TP53AIP1: variants seen among roughly 807,000 people sequenced by gnomAD.
TP53AIP1 encodes tumor protein p53 regulated apoptosis inducing protein 1, also known as p53-regulated apoptosis-inducing protein 1.
Under a neutral mutation model 9.5 loss-of-function variants are expected in TP53AIP1, and 14 were observed. The ratio of observed to expected loss-of-function variants is 1.47; its 90% CI spans 0.97 to 2.30. TP53AIP1 has a LOEUF of 2.30. TP53AIP1 is among the 30% of genes most tolerant of loss of function. The pLI is 0.00. For synonymous variants in TP53AIP1, 73 were observed against 61.2 expected (o/e 1.19, Z -0.90); for missense variants, 153 against 146.7 (o/e 1.04, Z -0.22).
intron 2 of TP53AIP1, 38 bp from the exon 3 acceptor site, chr11:128,936,687 C>G (rs373379509): frequency 6.5e-7 from 1 of 1,542,924 alleles, no homozygotes; most frequent in South Asian, 1.2e-5. Context: ...GGCCCTGCAG[C>G]GCCGTCTCTT....
At chr11:128,936,012 A>G (rs997944181) in intron 3 of TP53AIP1, 1 of 849,772 alleles carries the variant, frequency 1.2e-6, no homozygotes, top group African/African-American at 1.8e-5. Context: ...AGCATTTCAT[A>G]TCTATCATTT....
chr11:128,935,863 T>TAA, intron 3 of TP53AIP1, 151 bp from the exon 4 acceptor site: 1 of 1,348,290 alleles, frequency 7.4e-7, no homozygotes, highest in South Asian at 2.3e-5. Context: ...ATCATTATTC[T>TAA]ATCTCCCAAG....
chr11:128,940,844 A>T (rs1037415485), intron 1 of TP53AIP1, among the ~76,000 whole-genome samples: 3 of 152,198 alleles, frequency 2.0e-5, no homozygotes, highest in Non-Finnish European at 2.9e-5. Context: ...AGGGGCGTTC[A>T]TGTCAGGGAG....
At chr11:128,940,702 A>C (rs2136026989) in intron 1 of TP53AIP1, among the ~76,000 whole-genome samples, 1 of 152,320 alleles carries the variant, frequency 6.6e-6, no homozygotes, top group South Asian at 2.1e-4. Flanking sequence ...TGAGAGCAGC[A>C]CAAAATGGAC....
In TP53AIP1 at chr11:128,937,426, C is replaced by T; in HGVS notation, c.141+252G>A. On this transcript the variant is annotated intron_variant, in intron 2 of 3. Transcript: ENST00000531399. The surrounding 1 kb of genome is among the most constrained non-coding windows in gnomAD (Gnocchi z 4.8). Reference sequence around the variant, plus strand: ...GTTTCTCAGAAAACCTTTCTGCCTCCTAGAAACCCAGGATTCCGAGGAGGA... The same window carrying T: ...GTTTCTCAGAAAACCTTTCTGCCTCTTAGAAACCCAGGATTCCGAGGAGGA... 6.8e-7 allele frequency: 1 copy of T among 1,465,910 alleles called. No individual in the cohort carries two copies. Among genetic ancestry groups the T allele is most frequent in the Non-Finnish European group, 9.0e-7 (1 of 1,110,480 alleles). The allele number at this position is 1,465,910 out of a possible 1,614,324, so 90.8% of individuals were successfully genotyped here. A position where few individuals can be genotyped will look rare whatever the true frequency, so the allele number is the denominator to read the frequency against.
intron 1 of TP53AIP1, among the ~76,000 whole-genome samples, chr11:128,942,376 G>A (rs1411981522): frequency 6.6e-6 from 1 of 152,242 alleles, no homozygotes; most frequent in Admixed American, 6.5e-5. Context: ...GCTGGCCTGT[G>A]GACCAGGACT....
chr11:128,935,756 A>C, intron 3 of TP53AIP1, 44 bp from the exon 4 acceptor site: 1 of 1,492,474 alleles, frequency 6.7e-7, no homozygotes, highest in Non-Finnish European at 8.9e-7. Context: ...AAACGTATGG[A>C]GTCCTTGTTA....
At position 128,941,907 on chromosome 11, in the gene TP53AIP1, G is replaced by A. The variant is rs556873442; in HGVS notation, c.-77+887C>T. On this transcript the variant is annotated intron_variant, in intron 1 of 3. Transcript: ENST00000531399. ...AGATCTGGGTGGAGGAGGGCCCCAC[G>A]CACAGACGTGAATATGAAGGGACCC... 3.7e-3 allele frequency among the ~76,000 whole-genome samples: 569 copies of A among 152,296 alleles called. 2 individuals carry two copies. Among genetic ancestry groups the A allele is most frequent in the African/African-American group, 0.013 (544 of 41,564 alleles).
intron 1 of TP53AIP1, among the ~76,000 whole-genome samples, chr11:128,941,706 T>C (rs775068652): frequency 2.6e-5 from 4 of 152,202 alleles, no homozygotes; most frequent in Non-Finnish European, 4.4e-5. Flanking sequence ...CCAGCCCAGG[T>C]TCCTGGCCTG....
intron 1 of TP53AIP1, among the ~76,000 whole-genome samples, chr11:128,941,558 G>A (rs975030957): frequency 6.6e-6 from 1 of 152,184 alleles, no homozygotes; most frequent in Non-Finnish European, 1.5e-5. Flanking sequence ...TTTCTCCCTT[G>A]CCAGCTGGCA....
rs1944794017 is a variant in TP53AIP1 at position 128,935,448 on chromosome 11, G to A, written c.*143C>T. The A allele has an allele frequency of 7.0e-7, 1 of 1,424,712 alleles. No individual in the cohort carries two copies. The highest frequency in any genetic ancestry group is 9.1e-7 in the Non-Finnish European group (1 of 1,095,420). 88.3% of individuals were successfully genotyped at this position (1,424,712 alleles called of 1,614,324 possible). ...GCAACCTAGCCACCCAACTGGCCCA[G>A]TGGTCAAGGGGGGAAATGAGGTGGC... On this transcript the variant is annotated 3_prime_UTR_variant, in exon 4 of 4. Transcript: ENST00000531399.
At chr11:128,941,238 G>A (rs919030734) in intron 1 of TP53AIP1, among the ~76,000 whole-genome samples, 5 of 152,088 alleles carry the variant, frequency 3.3e-5, no homozygotes, top group African/African-American at 7.2e-5. Flanking sequence ...TTCTTGCCCC[G>A]CTCTGTGCCC....
At chr11:128,940,059 T>C (rs1212597531) in intron 1 of TP53AIP1, among the ~76,000 whole-genome samples, 1 of 152,050 alleles carries the variant, frequency 6.6e-6, no homozygotes, top group East Asian at 1.9e-4. Flanking sequence ...CATAGTGCCC[T>C]CAACACAGGG....
chr11:128,936,290 A>G (rs1944821880), intron 3 of TP53AIP1: 3 of 1,238,516 alleles, frequency 2.4e-6, no homozygotes, highest in African/African-American at 3.1e-5. Context: ...GTGGGTGTCA[A>G]TTAGCTTGGC....
chr11:128,938,625 C>A (rs1944881787), intron 1 of TP53AIP1, among the ~76,000 whole-genome samples: 1 of 152,158 alleles, frequency 6.6e-6, no homozygotes, highest in Non-Finnish European at 1.5e-5. Flanking sequence ...TCTCGCAAGT[C>A]CCCGGTGGCC....
At position 128,937,095 on chromosome 11, in the gene TP53AIP1, T is replaced by C; in HGVS notation, c.142-446A>G. 2 of 1,047,356 alleles carry C rather than the reference T, an allele frequency of 1.9e-6. No homozygotes were observed. The highest frequency in any genetic ancestry group is 2.3e-6 in the Non-Finnish European group (2 of 869,370). The allele number at this position is 1,047,356 out of a possible 1,614,324, so 64.9% of individuals were successfully genotyped here. A position where few individuals can be genotyped will look rare whatever the true frequency, so the allele number is the denominator to read the frequency against. ...TGGCCTGTGTCTGCTTCCGGAGCCATGCGCTGCCTGTGCTGGGATGAATGC... is the reference window on the plus strand; with the variant it reads ...TGGCCTGTGTCTGCTTCCGGAGCCACGCGCTGCCTGTGCTGGGATGAATGC... On this transcript the variant is annotated intron_variant, in intron 2 of 3. Transcript: ENST00000531399. This position sits in a 1 kb window ranked among gnomAD's most constrained non-coding sequence, Gnocchi z 4.8.
chr11:128,938,430 C>T (rs78853734), intron 1 of TP53AIP1, among the ~76,000 whole-genome samples: 1 of 152,186 alleles, frequency 6.6e-6, no homozygotes, highest in Admixed American at 6.5e-5. Context: ...TGCTCTCTCT[C>T]CCACTCACCT....
chr11:128,934,775 A>G, downstream of TP53AIP1: 2 of 508,808 alleles, frequency 3.9e-6, no homozygotes, highest in East Asian at 3.5e-5. Context: ...TAGAATGCAC[A>G]AGGGAGGAAG....
rs1382243460 is a variant in TP53AIP1, at chr11:128,942,846, G to C, written c.-129C>G. 3 of 152,454 alleles carry C rather than the reference G, an allele frequency of 2.0e-5. No homozygotes were observed. Among genetic ancestry groups the C allele is most frequent in the African/African-American group, 7.2e-5 (3 of 41,464 alleles). 9.4% of individuals were successfully genotyped at this position (152,454 alleles called of 1,614,324 possible). ...GGAAATGGTCTCCTCCTGCACATCT[G>C]TGCTGCTGTGACTGGGTGCAGGTCT... On this transcript the variant is annotated 5_prime_UTR_variant, in exon 1 of 4. Coordinates refer to ENST00000531399, the MANE Select transcript of TP53AIP1 (RefSeq NM_022112.3).
Sources: gnomAD v4.1 joint callset for allele counts (sites outside exome capture counted in the v4.1 genomes callset) on GRCh38, gnomAD v4.1.1 for gene constraint, Gnocchi (gnomAD v3.1) non-coding constraint, MANE v1.5 for transcripts, NCBI Gene and HGNC (gene_info 2026-07-23, HGNC 2026-07-21) for gene names.